HYDIN: variants seen among roughly 807,000 people sequenced by gnomAD.
HYDIN encodes the protein axonemal central pair apparatus protein HYDIN.
HYDIN carries 132 observed loss-of-function variants against 403.9 expected under a neutral mutation model. That is an observed-to-expected ratio of 0.33 (90% CI 0.28 to 0.38). The LOEUF (loss-of-function observed/expected upper bound fraction) is 0.38, where lower values mean the gene tolerates loss of function less well. Among genes scored for constraint, HYDIN ranks in the 10% least tolerant of loss-of-function variants. The pLI, the probability that HYDIN is intolerant of heterozygous loss-of-function variation, is 1.00. For missense variants in HYDIN, 2,827 were observed against 5,009.5 expected (o/e 0.56, Z 13.15); for synonymous variants, 1,202 against 1,891.7 (o/e 0.64, Z 9.46).
rs936342512 is a variant in HYDIN, at chr16:70,894,199, G to C, written c.9248+250C>G. The C allele has an allele frequency of 6.7e-6, 4 of 596,184 alleles. No homozygotes were observed. The African/African-American group carries it at 7.5e-5, about 11-fold the overall frequency. The allele number at this position is 596,184 out of a possible 1,614,324, so 36.9% of individuals were successfully genotyped here. On this transcript the variant is annotated intron_variant, in intron 55 of 85. Coordinates refer to ENST00000393567, the MANE Select transcript of HYDIN (RefSeq NM_001270974.2). The stretch of plus-strand genomic sequence containing the variant: ...CTGTTAAGCTGCAGAGTTGAGAGCA[G>C]TGTGAGAATCTCTGCTCCCTTAGCA...
chr16:70,908,650 C>T lies in HYDIN; in HGVS notation c.8213+3G>A, dbSNP rs1391651965. The T allele has an allele frequency of 4.5e-6, 7 of 1,567,824 alleles. No individual in the cohort carries two copies. Among genetic ancestry groups the T allele is most frequent in the Non-Finnish European group, 6.1e-6 (7 of 1,150,928 alleles). Reference sequence around the variant, plus strand: ...CCCCTCCCTGGGTTGCTGGAAGGCCCACCTGGTGAATTTCTCCTGGGAGTG... The same window carrying T: ...CCCCTCCCTGGGTTGCTGGAAGGCCTACCTGGTGAATTTCTCCTGGGAGTG... On this transcript the variant is annotated splice_donor_region_variant and intron_variant, in intron 48 of 85. Transcript: ENST00000393567.
At chr16:71,190,220 T>C (rs2087361439) in intron 1 of HYDIN, among the ~76,000 whole-genome samples, 1 of 152,052 alleles carries the variant, frequency 6.6e-6, no homozygotes, top group Non-Finnish European at 1.5e-5. Context: ...ACAAAATGTA[T>C]ACAGTGAACT....
intron 42 of HYDIN, 67 bp downstream of exon 42, chr16:70,943,745 G>A: frequency 6.4e-7 from 1 of 1,562,898 alleles, no homozygotes. Flanking sequence ...CAGAACCTCT[G>A]TCCAGGGTGT....
At chr16:70,843,370 A>T (rs1042288873) in intron 75 of HYDIN, among the ~76,000 whole-genome samples, 1 of 137,556 alleles carries the variant, frequency 7.3e-6, no homozygotes, top group African/African-American at 2.9e-5. Flanking sequence ...AAGGACATGA[A>T]CTCATCATTT....
chr16:71,186,857 A>G lies in HYDIN; in HGVS notation c.39T>C (p.Val13=). The part of the protein sequence containing the change: ...SRRLEESMGA[V]QMGLVNMFKG... ...TGAACATATTGACCAATCCCATCTG[A>G]ACAGCCCCCATGGACTCCTCAAGTC... Residue 13 remains valine, a synonymous_variant, in exon 2 of 86, where the codon GTT becomes GTC. Coordinates refer to ENST00000393567, the MANE Select transcript of HYDIN (RefSeq NM_001270974.2). The G allele has an allele frequency of 6.2e-7, 1 of 1,613,210 alleles. No individual in the cohort carries two copies. The highest frequency in any genetic ancestry group is 1.1e-5 in the South Asian group (1 of 91,020).
chr16:70,905,030 G>A (rs1247113820), intron 50 of HYDIN, among the ~76,000 whole-genome samples: 1 of 152,132 alleles, frequency 6.6e-6, no homozygotes, highest in Non-Finnish European at 1.5e-5. Context: ...CAAACCAGAA[G>A]GCCCAAGGGA....
At chr16:71,068,251 T>A (rs1442205198) in intron 14 of HYDIN, among the ~76,000 whole-genome samples, 1 of 147,334 alleles carries the variant, frequency 6.8e-6, no homozygotes, top group Non-Finnish European at 1.5e-5. Context: ...GCTTCTGGCA[T>A]GAGTTAAGGC....
intron 45 of HYDIN, among the ~76,000 whole-genome samples, chr16:70,928,538 T>C (rs1360193441): frequency 6.7e-6 from 1 of 149,954 alleles, no homozygotes; most frequent in African/African-American, 2.4e-5. Context: ...GACTCTTGCA[T>C]CTTCAACAGA....
At chr16:70,999,549 C>CG (rs1472485245) in intron 23 of HYDIN, among the ~76,000 whole-genome samples, 1 of 151,278 alleles carries the variant, frequency 6.6e-6, no homozygotes. Flanking sequence ...TCAATGGCTG[C>CG]GTTAGACCCA....
chr16:70,926,943 G>T (rs2077171828), intron 45 of HYDIN, among the ~76,000 whole-genome samples: 1 of 152,184 alleles, frequency 6.6e-6, no homozygotes, highest in Non-Finnish European at 1.5e-5. Context: ...TCAGTATAAA[G>T]AGAGGACAAA....
chr16:71,228,571 T>C (rs2041141885), intron 1 of HYDIN, among the ~76,000 whole-genome samples: 1 of 152,226 alleles, frequency 6.6e-6, no homozygotes. Flanking sequence ...TCATCATCAC[T>C]GGCCATCAGA....
chr16:71,098,822 G>C (rs1197826500), intron 10 of HYDIN, among the ~76,000 whole-genome samples: 1 of 148,370 alleles, frequency 6.7e-6, no homozygotes, highest in Non-Finnish European at 1.5e-5. Context: ...CTTCAAAGGA[G>C]TTTGTCTTAT....
At chr16:71,196,652 T>C (rs1039032469) in intron 1 of HYDIN, among the ~76,000 whole-genome samples, 9 of 152,144 alleles carry the variant, frequency 5.9e-5, no homozygotes, top group Non-Finnish European at 1.0e-4. Context: ...CCCAGCCAGT[T>C]AGGCATTCTA....
intron 4 of HYDIN, among the ~76,000 whole-genome samples, chr16:71,176,783 C>T (rs2086685507): frequency 6.6e-6 from 1 of 152,160 alleles, no homozygotes; most frequent in Non-Finnish European, 1.5e-5. Flanking sequence ...TCATTTTAAC[C>T]CAATTAAAAT....
chr16:70,968,757 C>A (rs1435040344), intron 36 of HYDIN, among the ~76,000 whole-genome samples: 1 of 152,182 alleles, frequency 6.6e-6, no homozygotes, highest in African/African-American at 2.4e-5. Flanking sequence ...AAAAATCCTT[C>A]ATCATAGTAA....
chr16:71,217,276 T>C (rs2088935686), intron 1 of HYDIN, among the ~76,000 whole-genome samples: 1 of 152,200 alleles, frequency 6.6e-6, no homozygotes, highest in African/African-American at 2.4e-5. Context: ...GTCTCGATGA[T>C]GCCCCAAGTT....
At chr16:70,995,504 G>A (rs1054857911) in intron 23 of HYDIN, among the ~76,000 whole-genome samples, 2 of 152,120 alleles carry the variant, frequency 1.3e-5, no homozygotes, top group African/African-American at 4.8e-5. Context: ...AACTCTTGGG[G>A]AAGGATCACC....
chr16:71,198,165 C>A (rs979791262), intron 1 of HYDIN, among the ~76,000 whole-genome samples: 1 of 152,188 alleles, frequency 6.6e-6, no homozygotes, highest in African/African-American at 2.4e-5. Context: ...GATTATTTAA[C>A]TCTAATGTAT....
At chr16:70,939,553 G>A (rs1303310776) in intron 43 of HYDIN, among the ~76,000 whole-genome samples, 2 of 152,200 alleles carry the variant, frequency 1.3e-5, no homozygotes, top group East Asian at 3.8e-4. Flanking sequence ...GCCAGGCACT[G>A]GGGAAGGCAC....
Sources: gnomAD v4.1 joint callset for allele counts (sites outside exome capture counted in the v4.1 genomes callset) on GRCh38, gnomAD v4.1.1 for gene constraint, MANE v1.5 for transcripts, NCBI Gene and HGNC (gene_info 2026-07-23, HGNC 2026-07-21) for gene names.